KATNIP: variants seen among roughly 807,000 people sequenced by gnomAD.
The protein encoded by KATNIP is katanin-interacting protein.
A neutral mutation model predicts 174.0 loss-of-function variants in KATNIP; 126 were observed. That is an observed-to-expected ratio of 0.72 (90% CI 0.63 to 0.84). The LOEUF is 0.84. Ranked by LOEUF, KATNIP falls within the 40% of genes least tolerant of loss-of-function variation. The probability of loss-of-function intolerance (pLI) is 0.00; values close to 1 mark genes in which losing one functional copy is unlikely to be tolerated. For synonymous variants in KATNIP, 810 were observed against 835.7 expected (o/e 0.97, Z 0.53); for missense variants, 1,958 against 2,109.7 (o/e 0.93, Z 1.41).
At chr16:27,623,440 T>G (rs2076249844) in intron 3 of KATNIP, among the ~76,000 whole-genome samples, 1 of 152,124 alleles carries the variant, frequency 6.6e-6, no homozygotes, top group Non-Finnish European at 1.5e-5. Context: ...ATCATTATCA[T>G]CATTCAGTTA....
At chr16:27,770,743 C>T (rs575558390) in intron 21 of KATNIP, among the ~76,000 whole-genome samples, 45 of 152,356 alleles carry the variant, frequency 3.0e-4, no homozygotes, top group African/African-American at 1.0e-3. Flanking sequence ...TTGATGTGTC[C>T]TTTGGGAAAT....
intron 5 of KATNIP, among the ~76,000 whole-genome samples, chr16:27,635,552 A>G (rs2076607518): frequency 6.6e-6 from 1 of 152,242 alleles, no homozygotes; most frequent in South Asian, 2.1e-4. Context: ...AATTTAACAG[A>G]CATGTATTGA....
chr16:27,760,143 C>T (rs112794146), intron 18 of KATNIP, among the ~76,000 whole-genome samples: 2 of 152,186 alleles, frequency 1.3e-5, no homozygotes, highest in African/African-American at 2.4e-5. Flanking sequence ...AGTTCCTCAT[C>T]TGAGCTGCAA....
chr16:27,620,567 C>G (rs928447385), intron 3 of KATNIP, among the ~76,000 whole-genome samples: 6 of 152,156 alleles, frequency 3.9e-5, no homozygotes, highest in Non-Finnish European at 7.4e-5. Context: ...AAAAACCTGC[C>G]GGATTGCCAG....
intron 3 of KATNIP, among the ~76,000 whole-genome samples, chr16:27,622,344 G>A (rs565279947): frequency 1.3e-5 from 2 of 152,320 alleles, no homozygotes; most frequent in African/African-American, 4.8e-5. Flanking sequence ...GTCTGGAGAT[G>A]TGACAGCCTT....
intron 6 of KATNIP, among the ~76,000 whole-genome samples, chr16:27,675,976 C>T (rs534545749): frequency 6.6e-6 from 1 of 152,176 alleles, no homozygotes; most frequent in Non-Finnish European, 1.5e-5. Context: ...AAAAGGTTGT[C>T]CAGCCACACC....
chr16:27,705,719 A>G (rs1412401698), intron 12 of KATNIP, among the ~76,000 whole-genome samples: 2 of 152,026 alleles, frequency 1.3e-5, no homozygotes, highest in African/African-American at 4.8e-5. Flanking sequence ...TCTTTCTTCT[A>G]AGCTGGAGTG....
chr16:27,665,336 C>T (rs778363111), intron 6 of KATNIP, among the ~76,000 whole-genome samples: 6 of 151,766 alleles, frequency 4.0e-5, no homozygotes, highest in Non-Finnish European at 7.4e-5. Flanking sequence ...AACTCCTGAC[C>T]TCAAACGATC....
Position 27,723,811 on chromosome 16 carries a change from C to T in KATNIP, c.1743+2116C>T, listed in dbSNP as rs573515932. On this transcript the variant is annotated intron_variant, in intron 14 of 27. Transcript: ENST00000261588. ...CAGTCCTCCCTTCCTCCCTTCCTCC[C>T]TCCCTCCCTCCTTCCCATCCTCCCT... Among the ~76,000 whole-genome samples the T allele has an allele frequency of 3.3e-5, 5 of 152,018 alleles. No homozygotes were observed. The South Asian group carries it at 6.3e-4, about 19-fold the overall frequency.
rs1281756750 is a variant in KATNIP, at chr16:27,740,708, G to A, written c.2411G>A (p.Arg804Lys). 2 of 1,614,198 alleles carry A rather than the reference G, an allele frequency of 1.2e-6. No homozygotes were observed. The highest frequency in any genetic ancestry group is 1.1e-5 in the South Asian group (1 of 91,074). The change falls in exon 15 of 28, where the codon AGG (arginine) becomes AAG (lysine). Residue 804 changes from arginine to lysine, a missense_variant. Transcript: ENST00000261588. ...IGEGPGETEA[R>K]DKGLRHEPGW... Reference sequence around the variant, plus strand: ...GAGGGTCCTGGAGAGACCGAGGCCAGGGATAAAGGCCTACGGCATGAGCCA... The same window carrying A: ...GAGGGTCCTGGAGAGACCGAGGCCAAGGATAAAGGCCTACGGCATGAGCCA...
In KATNIP at chr16:27,631,168, G is replaced by T; in HGVS notation, c.408+6G>T. On this transcript the variant is annotated splice_donor_region_variant and intron_variant, in intron 5 of 27. Transcript: ENST00000261588. ...AGCGCCGAGGATGGCACCAGGTCTG[G>T]AGACTGTGGCCCCAGCCCACGCTTT... 1 of 1,557,694 alleles carries T rather than the reference G, an allele frequency of 6.4e-7. No homozygotes were observed. Among genetic ancestry groups the T allele is most frequent in the Non-Finnish European group, 8.7e-7 (1 of 1,148,810 alleles).
chr16:27,645,882 G>A (rs1377790085), intron 5 of KATNIP, among the ~76,000 whole-genome samples: 2 of 152,140 alleles, frequency 1.3e-5, no homozygotes, highest in Non-Finnish European at 2.9e-5. Context: ...GGATCTCGTG[G>A]CCATCCCTAG....
chr16:27,648,533 C>T, intron 5 of KATNIP, 71 bp from the exon 6 acceptor site: 1 of 1,576,972 alleles, frequency 6.3e-7, no homozygotes, highest in Non-Finnish European at 8.7e-7. Context: ...CTCTCCAGTG[C>T]CAGTCCCTGC....
chr16:27,578,820 C>T (rs1267623853), intron 2 of KATNIP, among the ~76,000 whole-genome samples: 2 of 152,002 alleles, frequency 1.3e-5, no homozygotes, highest in African/African-American at 2.4e-5. Flanking sequence ...TCAAGGGATC[C>T]GCCCACCTCG....
chr16:27,778,839 G>C lies in KATNIP; in HGVS notation c.*210G>C, dbSNP rs964987985. 3.9e-5 allele frequency: 20 copies of C among 514,582 alleles called. No homozygotes were observed. Among genetic ancestry groups the C allele is most frequent in the African/African-American group, 3.3e-4 (17 of 51,010 alleles). 31.9% of individuals were successfully genotyped at this position (514,582 alleles called of 1,614,324 possible). The stretch of plus-strand genomic sequence containing the variant: ...TGGCTGCAGGGCAAAGAGATCCCCT[G>C]CAGTTCTGGGTTGGCCACAGGGAGC... On this transcript the variant is annotated 3_prime_UTR_variant, in exon 28 of 28. Coordinates refer to ENST00000261588, the MANE Select transcript of KATNIP (RefSeq NM_015202.5).
intron 19 of KATNIP, among the ~76,000 whole-genome samples, chr16:27,763,271 G>A (rs1390075380): frequency 1.3e-5 from 2 of 151,014 alleles, no homozygotes; most frequent in African/African-American, 4.9e-5. Flanking sequence ...GCAACATAGT[G>A]AGACTATGTC....
At chr16:27,765,355 A>G (rs1006099540) in intron 19 of KATNIP, among the ~76,000 whole-genome samples, 1 of 152,224 alleles carries the variant, frequency 6.6e-6, no homozygotes, top group African/African-American at 2.4e-5. Flanking sequence ...GTCCCAAGCA[A>G]GGGAACCAGA....
At chr16:27,577,825 A>T (rs1443126084) in intron 2 of KATNIP, among the ~76,000 whole-genome samples, 2 of 152,118 alleles carry the variant, frequency 1.3e-5, no homozygotes. Flanking sequence ...ATAGGCTATG[A>T]TCACACCACT....
At chr16:27,611,155 C>T (rs1460261718) in intron 2 of KATNIP, among the ~76,000 whole-genome samples, 2 of 152,194 alleles carry the variant, frequency 1.3e-5, no homozygotes, top group Non-Finnish European at 2.9e-5. Flanking sequence ...TTAACTAAGA[C>T]CTATCTCAGC....
Sources: gnomAD v4.1 joint callset for allele counts (sites outside exome capture counted in the v4.1 genomes callset) on GRCh38, gnomAD v4.1.1 for gene constraint, MANE v1.5 for transcripts, NCBI Gene and HGNC (gene_info 2026-07-23, HGNC 2026-07-21) for gene names.